Variants in NRXN1 observed in about 807,000 individuals in gnomAD.
NRXN1 encodes neurexin-1.
A neutral mutation model predicts 150.9 loss-of-function variants in NRXN1; 39 were observed. That is an observed-to-expected ratio of 0.26 (90% confidence interval 0.20 to 0.34). The LOEUF (loss-of-function observed/expected upper bound fraction) is 0.34, where lower values mean the gene tolerates loss of function less well. NRXN1 is among the 10% of genes least tolerant of loss of function. NRXN1 has a pLI of 1.00. For synonymous variants in NRXN1, 924 were observed against 757.0 expected (o/e 1.22, Z -3.62); for missense variants, 1,815 against 1,949.9 (o/e 0.93, Z 1.30).
intron 19 of NRXN1, among the ~76,000 whole-genome samples, chr2:50,070,553 A>C (rs7566326): frequency 6.6e-6 from 1 of 150,996 alleles, no homozygotes; most frequent in Non-Finnish European, 1.5e-5. Context: ...GGCGGATCAC[A>C]AGGTCAGGAG....
chr2:49,963,867 A>C (rs1676437655), intron 21 of NRXN1, among the ~76,000 whole-genome samples: 1 of 152,222 alleles, frequency 6.6e-6, no homozygotes, highest in Non-Finnish European at 1.5e-5. Context: ...GGGAGGAATT[A>C]TTATAAAAGA....
At chr2:50,991,494 T>A (rs984908110) in intron 2 of NRXN1, among the ~76,000 whole-genome samples, 1 of 152,038 alleles carries the variant, frequency 6.6e-6, no homozygotes, top group Admixed American at 6.6e-5. Flanking sequence ...ATGGTCCTAC[T>A]GCAATAGCTT....
intron 15 of NRXN1, among the ~76,000 whole-genome samples, chr2:50,491,116 C>A (rs1159875412): frequency 6.6e-6 from 1 of 152,114 alleles, no homozygotes; most frequent in African/African-American, 2.4e-5. Flanking sequence ...AGTATCTGGG[C>A]AAGACAAGTG....
intron 5 of NRXN1, among the ~76,000 whole-genome samples, chr2:50,742,639 A>T (rs1039046308): frequency 7.9e-5 from 12 of 151,860 alleles, no homozygotes; most frequent in African/African-American, 2.9e-4. Context: ...AAGAAACCCA[A>T]GTCTATATGA....
chr2:50,483,588 G>A (rs1249706609), intron 15 of NRXN1, among the ~76,000 whole-genome samples: 1 of 152,068 alleles, frequency 6.6e-6, no homozygotes, highest in Non-Finnish European at 1.5e-5. Flanking sequence ...TAGGTAGGGT[G>A]GTTATTATTA....
chr2:50,000,701 C>A (rs562893541), intron 21 of NRXN1, among the ~76,000 whole-genome samples: 64 of 152,222 alleles, frequency 4.2e-4, no homozygotes, highest in African/African-American at 1.4e-3. Context: ...CTCTTGTTAA[C>A]AGGATATCAA....
intron 21 of NRXN1, among the ~76,000 whole-genome samples, chr2:50,001,409 C>A (rs1439659504): frequency 1.3e-5 from 2 of 152,164 alleles, no homozygotes; most frequent in Middle Eastern, 3.4e-3. Flanking sequence ...TACTAAAATT[C>A]TTTAATCACC....
At chr2:50,514,844 G>A (rs745718481) in intron 12 of NRXN1, among the ~76,000 whole-genome samples, 6 of 152,150 alleles carry the variant, frequency 3.9e-5, no homozygotes, top group African/African-American at 9.7e-5. Context: ...ATTTAAGTGC[G>A]AGGAAACCTG....
At chr2:50,706,987 C>T (rs1004807039) in intron 5 of NRXN1, among the ~76,000 whole-genome samples, 6 of 152,050 alleles carry the variant, frequency 3.9e-5, no homozygotes, top group Non-Finnish European at 8.8e-5. Flanking sequence ...TTCAAATGAA[C>T]TTACACATGG....
chr2:50,537,543 A>T (rs913754116), intron 10 of NRXN1, among the ~76,000 whole-genome samples: 5 of 152,318 alleles, frequency 3.3e-5, no homozygotes, highest in African/African-American at 9.6e-5. Flanking sequence ...AAAGAAAAAT[A>T]AAATGTGGGT....
At chr2:50,146,952 ATGT>A (rs1708092189) in intron 18 of NRXN1, among the ~76,000 whole-genome samples, 1 of 151,848 alleles carries the variant, frequency 6.6e-6, no homozygotes, top group South Asian at 2.1e-4. Flanking sequence ...TTACCACTTC[ATGT>A]TGTAAAATTT....
intron 2 of NRXN1, among the ~76,000 whole-genome samples, chr2:50,968,460 C>T (rs1694471388): frequency 6.6e-6 from 1 of 151,952 alleles, no homozygotes; most frequent in African/African-American, 2.4e-5. Flanking sequence ...CTATCTGTAC[C>T]CATGCTCTCT....
intron 5 of NRXN1, among the ~76,000 whole-genome samples, chr2:50,752,307 A>G (rs1234402684): frequency 6.6e-6 from 1 of 151,972 alleles, no homozygotes; most frequent in Non-Finnish European, 1.5e-5. Flanking sequence ...AATACACTGC[A>G]CAGGGTATTA....
In NRXN1 at chr2:50,333,041, G is replaced by GT. The variant is rs532061386; in HGVS notation, c.3365-96072dup. Among the ~76,000 whole-genome samples the GT allele has an allele frequency of 3.3e-5, 5 of 152,212 alleles. No individual in the cohort carries two copies. The East Asian group carries it at 9.6e-4, about 29-fold the overall frequency. On this transcript the variant is annotated intron_variant, in intron 17 of 22. Transcript: ENST00000401669. Reference sequence around the variant, plus strand: ...CCATAAAGAGCCACTAATCCATTTTGTTTTTTTCTACTAGCTTAGCAAGTC... The same window carrying GT: ...CCATAAAGAGCCACTAATCCATTTTGTTTTTTTTCTACTAGCTTAGCAAGTC...
intron 17 of NRXN1, among the ~76,000 whole-genome samples, chr2:50,278,399 C>T (rs945035217): frequency 6.8e-6 from 1 of 146,958 alleles, no homozygotes; most frequent in Admixed American, 7.0e-5. Context: ...TGCTCCGCCC[C>T]CCTTGGCCTC....
chr2:50,170,791 GTGTA>G (rs1559022594), intron 18 of NRXN1, among the ~76,000 whole-genome samples: 1 of 141,024 alleles, frequency 7.1e-6, no homozygotes, highest in Non-Finnish European at 1.6e-5. Context: ...GTGTGTGTGT[GTGTA>G]TGCATCTGTA....
At chr2:49,924,971 TCTTAA>T (rs1000617137) in intron 22 of NRXN1, among the ~76,000 whole-genome samples, 1 of 152,176 alleles carries the variant, frequency 6.6e-6, no homozygotes, top group African/African-American at 2.4e-5. Flanking sequence ...GTGAAATTTT[TCTTAA>T]CTTTTCTTCT....
chr2:50,730,964 C>T (rs1228042195), intron 5 of NRXN1, among the ~76,000 whole-genome samples: 3 of 152,124 alleles, frequency 2.0e-5, no homozygotes, highest in South Asian at 2.1e-4. Flanking sequence ...TGAGCCACCG[C>T]GCCCGGCCTT....
At chr2:50,242,298 A>G (rs1454380533) in intron 17 of NRXN1, among the ~76,000 whole-genome samples, 1 of 151,838 alleles carries the variant, frequency 6.6e-6, no homozygotes, top group Non-Finnish European at 1.5e-5. Flanking sequence ...CTTTGGCTTA[A>G]GGTTCATAAA....
Sources: gnomAD v4.1 joint callset for allele counts (sites outside exome capture counted in the v4.1 genomes callset) on GRCh38, gnomAD v4.1.1 for gene constraint, MANE v1.5 for transcripts, NCBI Gene and HGNC (gene_info 2026-07-23, HGNC 2026-07-21) for gene names.